The following DNM3 variants were observed in gnomAD, a reference collection of about 807,000 sequenced individuals.
DNM3 encodes the protein dynamin 3.
In DNM3, 47 loss-of-function variants were observed where a neutral mutation model predicts 101.6. The ratio of observed to expected loss-of-function variants is 0.46; its 90% CI spans 0.37 to 0.59. The LOEUF (loss-of-function observed/expected upper bound fraction) is 0.59. Among genes scored for constraint, DNM3 ranks in the 20% least tolerant of loss-of-function variants. The pLI is 0.00. For missense variants in DNM3, 849 were observed against 1,085.7 expected, an observed-to-expected ratio of 0.78 and a Z score of 3.06; for synonymous variants, 385 against 387.9, an observed-to-expected ratio of 0.99 and a Z score of 0.09.
At chr1:172,399,875 C>G (rs1573750943) in intron 20 of DNM3, 1 of 149,902 alleles carries the variant, frequency 6.7e-6, no homozygotes. Flanking sequence ...TGCTACACAA[C>G]TCATCTCTCA....
chr1:172,062,321 A>G (rs138170818), intron 10 of DNM3, among the ~76,000 whole-genome samples: 139 of 152,200 alleles, frequency 9.1e-4, no homozygotes, highest in Middle Eastern at 3.4e-3. Context: ...TGTTTTCTGA[A>G]TTACTTAAGT....
At chr1:172,001,134 A>T (rs1270277289) in intron 4 of DNM3, among the ~76,000 whole-genome samples, 1 of 152,082 alleles carries the variant, frequency 6.6e-6, no homozygotes, top group Non-Finnish European at 1.5e-5. Context: ...CATTTTAATC[A>T]TAGGAAAGGA....
intron 15 of DNM3, among the ~76,000 whole-genome samples, chr1:172,288,418 G>T (rs1378805285): frequency 1.3e-5 from 2 of 152,166 alleles, no homozygotes; most frequent in Admixed American, 1.3e-4. Flanking sequence ...AGAATCAGGG[G>T]CCAGATCATT....
At position 172,231,645 on chromosome 1, in the gene DNM3, C is replaced by T. The variant is rs143272390; in HGVS notation, c.1660-21928C>T. 3.8e-3 allele frequency among the ~76,000 whole-genome samples: 573 copies of T among 152,108 alleles called. 4 individuals carry two copies. Among genetic ancestry groups the T allele is most frequent in the African/African-American group, 0.012 (499 of 41,492 alleles). ...AAGGCTTCAGATGATCAAACTTCTGCGAGCTAAAGGAGGAAGTTCGAACCC... is the reference window on the plus strand; with the variant it reads ...AAGGCTTCAGATGATCAAACTTCTGTGAGCTAAAGGAGGAAGTTCGAACCC... On this transcript the variant is annotated intron_variant, in intron 14 of 20. Coordinates refer to ENST00000627582, the MANE Select transcript of DNM3 (RefSeq NM_015569.5).
At chr1:171,876,815 C>T (rs536772908) in intron 1 of DNM3, among the ~76,000 whole-genome samples, 5 of 152,230 alleles carry the variant, frequency 3.3e-5, no homozygotes, top group Non-Finnish European at 7.4e-5. Flanking sequence ...AATAGGAATA[C>T]CTGTGGCTTT....
intron 2 of DNM3, among the ~76,000 whole-genome samples, chr1:171,926,114 G>C (rs371644783): frequency 6.6e-6 from 1 of 152,226 alleles, no homozygotes; most frequent in African/African-American, 2.4e-5. Flanking sequence ...GCCTTGTATA[G>C]TTTAGTATAG....
chr1:171,887,704 T>C (rs2125156314), intron 1 of DNM3, among the ~76,000 whole-genome samples: 1 of 152,324 alleles, frequency 6.6e-6, no homozygotes, highest in Admixed American at 6.5e-5. Context: ...TTAACATTTC[T>C]TTGATAATCT....
At chr1:172,215,945 T>C (rs1396414253) in intron 14 of DNM3, among the ~76,000 whole-genome samples, 2 of 146,472 alleles carry the variant, frequency 1.4e-5, no homozygotes, top group Non-Finnish European at 3.0e-5. Context: ...TATAATTTAT[T>C]CTTAACACTC....
chr1:171,996,882 A>T (rs1401581326), intron 4 of DNM3, among the ~76,000 whole-genome samples: 2 of 152,040 alleles, frequency 1.3e-5, no homozygotes, highest in African/African-American at 4.8e-5. Context: ...TATAAAAAAA[A>T]TTAGTGGGAT....
intron 10 of DNM3, among the ~76,000 whole-genome samples, chr1:172,063,646 G>A (rs1432064030): frequency 1.3e-5 from 2 of 151,586 alleles, no homozygotes; most frequent in African/African-American, 4.8e-5. Flanking sequence ...TGGACTGGTG[G>A]TGGGCGCCTA....
intron 2 of DNM3, among the ~76,000 whole-genome samples, chr1:171,972,051 T>C (rs2044031892): frequency 6.6e-6 from 1 of 152,172 alleles, no homozygotes; most frequent in Non-Finnish European, 1.5e-5. Context: ...AAACAGCAAA[T>C]AGTAGTTCAG....
At chr1:171,947,398 G>A (rs748231964) in intron 2 of DNM3, among the ~76,000 whole-genome samples, 7 of 152,130 alleles carry the variant, frequency 4.6e-5, no homozygotes, top group Non-Finnish European at 8.8e-5. Context: ...AGAAAAGGAT[G>A]TGCATTATCC....
At chr1:172,261,977 T>C (rs1048169405) in intron 15 of DNM3, among the ~76,000 whole-genome samples, 1 of 151,808 alleles carries the variant, frequency 6.6e-6, no homozygotes, top group Admixed American at 6.6e-5. Context: ...GGGGAAGGAG[T>C]GGAGCTGAGC....
chr1:172,138,111 T>C (rs956611053), intron 14 of DNM3: 4 of 152,164 alleles, frequency 2.6e-5, no homozygotes, highest in Non-Finnish European at 5.9e-5. Flanking sequence ...CATAAATTTA[T>C]GTATACCATG....
chr1:171,864,555 G>C (rs775458316), intron 1 of DNM3: 2 of 152,252 alleles, frequency 1.3e-5, no homozygotes, highest in Non-Finnish European at 2.9e-5. Context: ...TGGGAGCATA[G>C]TGTGTTAAGT....
chr1:172,361,511 C>G (rs2067738439), intron 17 of DNM3, among the ~76,000 whole-genome samples: 1 of 151,996 alleles, frequency 6.6e-6, no homozygotes, highest in African/African-American at 2.4e-5. Flanking sequence ...AGACTTATAT[C>G]TCTTTACTGC....
intron 14 of DNM3, among the ~76,000 whole-genome samples, chr1:172,222,634 G>C (rs2060949423): frequency 6.6e-6 from 1 of 152,100 alleles, no homozygotes; most frequent in South Asian, 2.1e-4. Context: ...TCCTGGTTTG[G>C]GCTGAGAATT....
At chr1:171,863,817 C>A (rs1408898459) in intron 1 of DNM3, among the ~76,000 whole-genome samples, 2 of 152,186 alleles carry the variant, frequency 1.3e-5, no homozygotes, top group Non-Finnish European at 2.9e-5. Flanking sequence ...CTTACAAGAA[C>A]TAGTTATCAC....
intron 1 of DNM3, among the ~76,000 whole-genome samples, chr1:171,845,818 C>T (rs1166916030): frequency 6.6e-6 from 1 of 152,094 alleles, no homozygotes; most frequent in Non-Finnish European, 1.5e-5. Context: ...GTACTAGTTG[C>T]TAATACGCAG....
Sources: allele counts gnomAD v4.1 joint callset (sites outside exome capture counted in the v4.1 genomes callset), GRCh38; gene constraint gnomAD v4.1.1; transcripts MANE v1.5; gene names NCBI Gene and HGNC (gene_info 2026-07-23, HGNC 2026-07-21).